The following DROSHA variants were observed in gnomAD, a reference collection of about 807,000 sequenced individuals.
DROSHA encodes the protein ribonuclease 3.
A neutral mutation model predicts 181.9 loss-of-function variants in DROSHA; 56 were observed. The ratio of observed to expected loss-of-function variants is 0.31; its 90% CI spans 0.25 to 0.38. DROSHA has a LOEUF of 0.38. DROSHA is among the 10% of genes least tolerant of loss of function. DROSHA has a pLI of 1.00. For synonymous variants in DROSHA, 524 were observed against 591.2 expected (o/e 0.89, Z 1.65); for missense variants, 1,218 against 1,743.5 (o/e 0.70, Z 5.37).
At chr5:31,495,505 G>C (rs1580297855) in intron 11 of DROSHA, 133 bp from the exon 12 acceptor site, 1 of 811,074 alleles carries the variant, frequency 1.2e-6, no homozygotes, top group East Asian at 2.9e-5. Context: ...TGGTAGGAAA[G>C]AACAGTATTG....
At chr5:31,459,435 A>C (rs1580168784) in intron 20 of DROSHA, among the ~76,000 whole-genome samples, 1 of 137,302 alleles carries the variant, frequency 7.3e-6, no homozygotes, top group Non-Finnish European at 1.6e-5. Context: ...AAAAAAAAAA[A>C]ATCTCTCTCA....
chr5:31,495,397 G>C, intron 11 of DROSHA, 25 bp from the exon 12 acceptor site: 1 of 1,600,124 alleles, frequency 6.2e-7, no homozygotes, highest in East Asian at 2.2e-5. Flanking sequence ...ACGAAAATCA[G>C]TTTACAAGTA....
chr5:31,530,630 C>A (rs369608046), intron 3 of DROSHA, among the ~76,000 whole-genome samples, 168 bp downstream of exon 3: 151 of 112,570 alleles, frequency 1.3e-3, no homozygotes, highest in East Asian at 1.8e-3. Context: ...AACTCTAGCT[C>A]AAAAAAAAAA....
chr5:31,472,284 T>A, intron 16 of DROSHA, 52 bp from the exon 17 acceptor site: 1 of 1,519,578 alleles, frequency 6.6e-7, no homozygotes. Flanking sequence ...CTACTCAACT[T>A]ACAGCAAATC....
intron 34 of DROSHA, 21 bp from the exon 35 acceptor site, chr5:31,405,744 A>T: frequency 4.9e-6 from 7 of 1,432,580 alleles, no homozygotes; most frequent in Non-Finnish European, 5.6e-6. Context: ...AAATAAAGTA[A>T]GACATACTTT....
chr5:31,504,574 C>T lies in DROSHA; in HGVS notation c.1649G>A (p.Ser550Asn). 3.1e-6 allele frequency: 5 copies of T among 1,613,960 alleles called. No homozygotes were observed. Among genetic ancestry groups the T allele is most frequent in the Non-Finnish European group, 3.4e-6 (4 of 1,179,868 alleles). ...AGTTACCTCTTCTCCAGGATAAATGCTGTGCCTAATTCCTGTGCGTCTTGC... is the reference window on the plus strand; with the variant it reads ...AGTTACCTCTTCTCCAGGATAAATGTTGTGCCTAATTCCTGTGCGTCTTGC... ...AKARRTGIRHSIYPGEEAIKP... is the reference protein window; with the variant it reads ...AKARRTGIRHNIYPGEEAIKP... Residue 550 changes from serine to asparagine, a missense_variant, in exon 11 of 36, where the codon AGC becomes AAC. Physicochemically the swap from Ser to Asn is conservative, Grantham distance 46. Coordinates refer to ENST00000344624, the MANE Select transcript of DROSHA (RefSeq NM_001382508.1).
chr5:31,509,589 G>A (rs749354289), intron 9 of DROSHA, among the ~76,000 whole-genome samples: 2 of 152,224 alleles, frequency 1.3e-5, no homozygotes, highest in Non-Finnish European at 2.9e-5. Context: ...GGACTAGCTA[G>A]AGCGCGGGCC....
chr5:31,526,021 A>G (rs1482092260), intron 5 of DROSHA, 58 bp downstream of exon 5: 1 of 1,463,652 alleles, frequency 6.8e-7, no homozygotes, highest in South Asian at 1.5e-5. Flanking sequence ...TCATAAATGG[A>G]GAATGACCGT....
At chr5:31,439,153 T>C (rs567322668) in intron 23 of DROSHA, among the ~76,000 whole-genome samples, 1 of 152,328 alleles carries the variant, frequency 6.6e-6, no homozygotes, top group African/African-American at 2.4e-5. Context: ...CCCATACCCA[T>C]GGTTTCACCT....
At chr5:31,429,587 A>G (rs375459630) in intron 26 of DROSHA, 42 bp from the exon 27 acceptor site, 5 of 1,554,568 alleles carry the variant, frequency 3.2e-6, no homozygotes, top group Non-Finnish European at 4.4e-6. Flanking sequence ...GTCTCCATCA[A>G]CAGTCAAAGA....
chr5:31,484,330 C>T (rs993469651), intron 15 of DROSHA, among the ~76,000 whole-genome samples: 1 of 134,838 alleles, frequency 7.4e-6, no homozygotes, highest in South Asian at 2.4e-4. Context: ...GCCGAGATTG[C>T]GCCACTGCAG....
At chr5:31,442,743 G>C (rs1167224636) in intron 23 of DROSHA, among the ~76,000 whole-genome samples, 1 of 152,018 alleles carries the variant, frequency 6.6e-6, no homozygotes, top group East Asian at 1.9e-4. Flanking sequence ...ACAGAGTAGG[G>C]CTAGAGGGTG....
intron 16 of DROSHA, among the ~76,000 whole-genome samples, chr5:31,475,450 A>G (rs527783218): frequency 6.6e-6 from 1 of 152,348 alleles, no homozygotes; most frequent in Admixed American, 6.5e-5. Flanking sequence ...GTCTGAGTCC[A>G]TGATAATCAC....
At chr5:31,502,209 C>T (rs1011200966) in intron 11 of DROSHA, among the ~76,000 whole-genome samples, 1 of 152,184 alleles carries the variant, frequency 6.6e-6, no homozygotes, top group Non-Finnish European at 1.5e-5. Flanking sequence ...TGAGGACAGC[C>T]CATGTGAGAA....
rs1441725361 is a variant in DROSHA, at chr5:31,435,862, A to G, written c.2945T>C (p.Val982Ala). 6.2e-7 allele frequency: 1 copy of G among 1,609,402 alleles called. No homozygotes were observed. Among genetic ancestry groups the G allele is most frequent in the Non-Finnish European group, 8.5e-7 (1 of 1,178,556 alleles). ...GDAVVEFLTSVHLYYLFPSLE... is the reference protein window; with the variant it reads ...GDAVVEFLTSAHLYYLFPSLE... ...ACTAGGAAACAAATAGTACAAATGGACGCTACAAAAAAAAAAAGAAGTACA... is the reference window on the plus strand; with the variant it reads ...ACTAGGAAACAAATAGTACAAATGGGCGCTACAAAAAAAAAAAGAAGTACA... The change falls in exon 25 of 36, where the codon GTC becomes GCC. Residue 982 changes from valine to alanine, a missense_variant and splice_region_variant. Coordinates refer to ENST00000344624, the MANE Select transcript of DROSHA (RefSeq NM_001382508.1).
intron 13 of DROSHA, 142 bp from the exon 14 acceptor site, chr5:31,486,704 G>T: frequency 1.6e-6 from 1 of 624,124 alleles, no homozygotes; most frequent in Non-Finnish European, 2.7e-6. Context: ...CACTGCACAT[G>T]AAGCTTGACC....
intron 6 of DROSHA, among the ~76,000 whole-genome samples, chr5:31,516,435 C>T (rs761323598): frequency 6.6e-6 from 1 of 152,170 alleles, no homozygotes; most frequent in Non-Finnish European, 1.5e-5. Flanking sequence ...ACATCCAGAT[C>T]AAAGTAATAA....
intron 20 of DROSHA, among the ~76,000 whole-genome samples, chr5:31,463,838 A>G (rs1216813454): frequency 6.6e-6 from 1 of 152,208 alleles, no homozygotes; most frequent in Non-Finnish European, 1.5e-5. Flanking sequence ...TTGAGTCATC[A>G]GTCTAGAAAA....
intron 23 of DROSHA, among the ~76,000 whole-genome samples, chr5:31,447,514 G>A (rs1171469954): frequency 6.6e-6 from 1 of 152,160 alleles, no homozygotes; most frequent in African/African-American, 2.4e-5. Context: ...ACTCAGAATA[G>A]CTAAAACTTC....
Sources: allele counts gnomAD v4.1 joint callset (sites outside exome capture counted in the v4.1 genomes callset), GRCh38; gene constraint gnomAD v4.1.1; transcripts MANE v1.5; gene names NCBI Gene and HGNC (gene_info 2026-07-23, HGNC 2026-07-21).